The following KMT2E variants were observed in gnomAD, a reference collection of about 807,000 sequenced individuals.
The protein encoded by KMT2E is lysine methyltransferase 2E (inactive), also known as histone reader KMT2E.
A neutral mutation model predicts 184.6 loss-of-function variants in KMT2E; 30 were observed. That is an observed-to-expected ratio of 0.16 (90% CI 0.12 to 0.22). The LOEUF (loss-of-function observed/expected upper bound fraction) is 0.22, where lower values mean the gene tolerates loss of function less well. Ranked by LOEUF, KMT2E falls within the 10% of genes least tolerant of loss-of-function variation. The probability of loss-of-function intolerance (pLI) is 1.00; values close to 1 mark genes in which losing one functional copy is unlikely to be tolerated. For missense variants in KMT2E, 2,023 were observed against 2,237.4 expected (o/e 0.90, Z 1.93); for synonymous variants, 815 against 776.5 (o/e 1.05, Z -0.82).
Position 105,112,381 on chromosome 7 carries a change from C to A in KMT2E, c.4625C>A (p.Thr1542Lys). 6.2e-7 allele frequency: 1 copy of A among 1,612,838 alleles called. No individual in the cohort carries two copies. The highest frequency in any genetic ancestry group is 1.1e-5 in the South Asian group (1 of 91,074). Residue 1542 changes from threonine to lysine, a missense_variant, in exon 27 of 27, where the codon ACG (threonine) becomes AAG (lysine). Transcript: ENST00000311117. The stretch of plus-strand genomic sequence containing the variant: ...TTTAACCAACAAAGTCTGAACAGCA[C>A]GGCACCACCCCCTCCACCTCCTCCA... ...SQFNQQSLNS[T>K]APPPPPPPPP...
intron 1 of KMT2E, among the ~76,000 whole-genome samples, chr7:105,036,358 A>G (rs1795658551): frequency 6.6e-6 from 1 of 151,262 alleles, no homozygotes; most frequent in African/African-American, 2.4e-5. Context: ...TAGTAGGGAC[A>G]CGGTTACACC....
At position 105,037,372 on chromosome 7, in the gene KMT2E, G is replaced by GT. The variant is rs201325266; in HGVS notation, c.-188-746dup. Among the ~76,000 whole-genome samples, 498 of 150,322 alleles carry GT rather than the reference G, an allele frequency of 3.3e-3. 4 individuals carry two copies. Among genetic ancestry groups the GT allele is most frequent in the African/African-American group, 0.011 (457 of 40,880 alleles). On this transcript the variant is annotated intron_variant, in intron 1 of 26. Transcript: ENST00000311117. ...TACTTTTTGTTTTCTTTTTTTTGTT[G>GT]TTTTTTTTAAGACAGGGTCTCCCTC... is the stretch of plus-strand genomic sequence containing the variant.
intron 5 of KMT2E, chr7:105,064,163 GGTTTTT>G: frequency 9.7e-6 from 1 of 103,198 alleles, no homozygotes; most frequent in Non-Finnish European, 2.0e-5. Context: ...TTTTTTTCTT[GGTTTTT>G]TTTTTTTTTT....
At chr7:105,111,689 T>A in intron 26 of KMT2E, 136 bp from the exon 27 acceptor site, 1 of 1,039,376 alleles carries the variant, frequency 9.6e-7, no homozygotes, top group Non-Finnish European at 1.4e-6. Context: ...CAAGCCTCCA[T>A]AATTGACGTA....
At chr7:105,066,475 A>G (rs9784938) in intron 5 of KMT2E, among the ~76,000 whole-genome samples, 6,416 of 152,202 alleles carry the variant, frequency 0.042, 465 homozygotes, top group African/African-American at 0.15. Context: ...TATTTGTAGA[A>G]TAAATTATAC....
chr7:105,110,645 T>G (rs1289918657), intron 25 of KMT2E, 43 bp downstream of exon 25: 7 of 1,612,228 alleles, frequency 4.3e-6, no homozygotes, highest in Non-Finnish European at 5.9e-6. Context: ...TAACAAATTT[T>G]AAAATCAGAC....
intron 1 of KMT2E, among the ~76,000 whole-genome samples, chr7:105,025,463 ATTTATAG>A (rs1795140224): frequency 6.6e-6 from 1 of 152,132 alleles, no homozygotes; most frequent in Non-Finnish European, 1.5e-5. Context: ...GGTGATCACT[ATTTATAG>A]TTTATGTATT....
chr7:105,081,473 C>G (rs1174358616), intron 12 of KMT2E, among the ~76,000 whole-genome samples: 1 of 151,250 alleles, frequency 6.6e-6, no homozygotes, highest in Non-Finnish European at 1.5e-5. Flanking sequence ...ATTGTGGGCT[C>G]TAGGGGTTGG....
chr7:105,017,279 A>G (rs1447160085), intron 1 of KMT2E, among the ~76,000 whole-genome samples: 2 of 152,326 alleles, frequency 1.3e-5, no homozygotes, highest in East Asian at 1.9e-4. Flanking sequence ...AGACAAAGCA[A>G]TTGAACTTAT....
chr7:105,105,674 T>C lies in KMT2E; in HGVS notation c.2432T>C (p.Ile811Thr). Residue 811 changes from isoleucine to threonine, a missense_variant, in exon 18 of 27, where the codon ATT becomes ACT. By Grantham distance (89) the Ile-to-Thr change is moderately conservative (BLOSUM62 -1). This residue lies in a region of KMT2E where 514 missense variants were observed against 621.8 expected (regional missense o/e 0.83). Transcript: ENST00000311117. ...AGAAGAAAAGAACCTACTGAAAACA[T>C]TTCTGGTTCATGCAAGAAGGTAAAC... ...KRRRKEPTEN[I>T]SGSCKKRWLK... 1 of 1,600,722 alleles carries C rather than the reference T, an allele frequency of 6.2e-7. No homozygotes were observed. Among genetic ancestry groups the C allele is most frequent in the Non-Finnish European group, 8.5e-7 (1 of 1,176,802 alleles).
intron 26 of KMT2E, among the ~76,000 whole-genome samples, 188 bp from the exon 27 acceptor site, chr7:105,111,637 A>G (rs1388333874): frequency 6.6e-6 from 1 of 152,168 alleles, no homozygotes; most frequent in African/African-American, 2.4e-5. Flanking sequence ...TCACGCTCAT[A>G]ACTTTTTGGA....
chr7:105,058,701 C>T (rs1289069943), intron 3 of KMT2E, among the ~76,000 whole-genome samples: 4 of 152,122 alleles, frequency 2.6e-5, no homozygotes, highest in Non-Finnish European at 5.9e-5. Context: ...GTGGTTTTGA[C>T]CATACCTTAT....
rs767866937 is a variant in KMT2E at position 105,076,953 on chromosome 7, A to G, written c.769-10A>G. 6.3e-7 allele frequency: 1 copy of G among 1,594,728 alleles called. No homozygotes were observed. ...AAGTCCAGATACTAAAGCTCAGTTT[A>G]TGATTTTAGGGTTCAGCTCCAGAGA... On this transcript the variant is annotated splice_polypyrimidine_tract_variant and intron_variant, in intron 9 of 26. Transcript: ENST00000311117.
intron 1 of KMT2E, among the ~76,000 whole-genome samples, chr7:105,020,180 A>G (rs1369787699): frequency 1.3e-5 from 2 of 152,040 alleles, no homozygotes; most frequent in Non-Finnish European, 2.9e-5. Flanking sequence ...ATTGAGAAAG[A>G]TGATATTGTG....
At chr7:105,041,583 T>G (rs868112173) in intron 3 of KMT2E, among the ~76,000 whole-genome samples, 31 of 152,142 alleles carry the variant, frequency 2.0e-4, no homozygotes, top group African/African-American at 7.2e-4. Context: ...GTGTTTTTAG[T>G]AGAGATGGGG....
intron 12 of KMT2E, among the ~76,000 whole-genome samples, chr7:105,079,842 A>G (rs1797687299): frequency 6.7e-6 from 1 of 149,254 alleles, no homozygotes; most frequent in Non-Finnish European, 1.5e-5. Context: ...TATTATTATT[A>G]TTATTATTAT....
intron 15 of KMT2E, among the ~76,000 whole-genome samples, chr7:105,101,216 T>C (rs796663097): frequency 6.6e-5 from 10 of 152,250 alleles, no homozygotes; most frequent in African/African-American, 2.4e-4. Context: ...CATGAAATAT[T>C]TGCAATAACA....
rs746939738 is a variant in KMT2E at position 105,078,983 on chromosome 7, T to A, written c.1248+20T>A. 4.9e-6 allele frequency: 7 copies of A among 1,426,256 alleles called. No individual in the cohort carries two copies. The Admixed American group carries it at 6.7e-5, about 14-fold the overall frequency. 88.4% of individuals were successfully genotyped at this position (1,426,256 alleles called of 1,614,324 possible). On this transcript the variant is annotated intron_variant, in intron 12 of 26. Coordinates refer to ENST00000311117, the MANE Select transcript of KMT2E (RefSeq NM_182931.3). The stretch of plus-strand genomic sequence containing the variant: ...GCAGAGGTAAGCTTATAGAAATTTT[T>A]TGGGGAGATGTGGGTGCTGGGGGTG...
At chr7:105,109,513 C>T (rs928487347) in intron 23 of KMT2E, among the ~76,000 whole-genome samples, 3 of 152,178 alleles carry the variant, frequency 2.0e-5, no homozygotes, top group African/African-American at 7.2e-5. Flanking sequence ...TAACCCCTAC[C>T]AGTTACCTTG....
Sources: gnomAD v4.1 joint callset for allele counts (sites outside exome capture counted in the v4.1 genomes callset) on GRCh38, gnomAD v4.1.1 for gene constraint, gnomAD v4.1.1 regional missense constraint, MANE v1.5 for transcripts, NCBI Gene and HGNC (gene_info 2026-07-23, HGNC 2026-07-21) for gene names.